Variants in FOXP1 observed in about 807,000 individuals in gnomAD.
FOXP1 encodes the protein forkhead box P1.
A neutral mutation model predicts 98.2 loss-of-function variants in FOXP1; 15 were observed. The ratio of observed to expected loss-of-function variants is 0.15; its 90% CI spans 0.10 to 0.24. The LOEUF (loss-of-function observed/expected upper bound fraction) is 0.24. Among genes scored for constraint, FOXP1 ranks in the 10% least tolerant of loss-of-function variants. FOXP1 has a pLI of 1.00. For missense variants in FOXP1, 633 were observed against 848.5 expected (o/e 0.75, Z 3.15); for synonymous variants, 371 against 314.5 (o/e 1.18, Z -1.90).
chr3:71,546,481 G>A (rs995092035), intron 2 of FOXP1, among the ~76,000 whole-genome samples: 4 of 151,946 alleles, frequency 2.6e-5, no homozygotes, highest in Non-Finnish European at 4.4e-5. Context: ...GAAACTTTTC[G>A]ATGATGGAAC....
At chr3:71,097,249 G>T (rs2056546094) in intron 7 of FOXP1, among the ~76,000 whole-genome samples, 1 of 152,118 alleles carries the variant, frequency 6.6e-6, no homozygotes, top group Non-Finnish European at 1.5e-5. Context: ...AACAAAAGAA[G>T]AATGTTTTGT....
chr3:71,420,093 G>A (rs922453701), intron 3 of FOXP1, among the ~76,000 whole-genome samples: 2 of 151,978 alleles, frequency 1.3e-5, no homozygotes, highest in African/African-American at 2.4e-5. Flanking sequence ...CACTGCGCCC[G>A]ACCAGGTATT....
At chr3:70,959,744 C>G (rs958915278) in intron 20 of FOXP1, among the ~76,000 whole-genome samples, 2 of 152,122 alleles carry the variant, frequency 1.3e-5, no homozygotes, top group Non-Finnish European at 2.9e-5. Flanking sequence ...CCTCTCCTCC[C>G]TGGTGGCATT....
chr3:70,993,060 A>G (rs1436137352), intron 13 of FOXP1, among the ~76,000 whole-genome samples: 1 of 152,198 alleles, frequency 6.6e-6, no homozygotes, highest in Non-Finnish European at 1.5e-5. Flanking sequence ...AATTTGCTAA[A>G]GTCTAGGAGG....
intron 5 of FOXP1, among the ~76,000 whole-genome samples, chr3:71,242,998 G>C (rs769134195): frequency 3.3e-5 from 5 of 152,044 alleles, no homozygotes; most frequent in Non-Finnish European, 7.4e-5. Flanking sequence ...TTATGTGCAG[G>C]GAGGATTCAT....
At chr3:71,157,162 G>T (rs1237388387) in intron 6 of FOXP1, among the ~76,000 whole-genome samples, 1 of 152,194 alleles carries the variant, frequency 6.6e-6, no homozygotes, top group Non-Finnish European at 1.5e-5. Flanking sequence ...ACCACCAGGA[G>T]AATGTTGATA....
At chr3:71,497,990 C>T (rs1011740615) in intron 2 of FOXP1, among the ~76,000 whole-genome samples, 2 of 152,160 alleles carry the variant, frequency 1.3e-5, no homozygotes, top group African/African-American at 4.8e-5. Context: ...TCTTGGGGGT[C>T]ATTAGAAAGA....
At position 71,122,356 on chromosome 3, in the gene FOXP1, T is replaced by G. The variant is rs144038311; in HGVS notation, c.181-9719A>C. ...CAAAAGAAAGAAACAGAAATGGGAA[T>G]ATAGGAAAGGGCCAAACAAGAATAA... is the stretch of plus-strand genomic sequence containing the variant. On this transcript the variant is annotated intron_variant, in intron 6 of 20. Coordinates refer to ENST00000649528, the MANE Select transcript of FOXP1 (RefSeq NM_001349338.3). Among the ~76,000 whole-genome samples, 60 of 152,212 alleles carry G rather than the reference T, an allele frequency of 3.9e-4. 4 individuals carry two copies. Among genetic ancestry groups the G allele is most frequent in the East Asian group, 3.5e-3 (18 of 5,176 alleles).
intron 19 of FOXP1, chr3:70,969,614 C>G (rs1234282688): frequency 2.0e-5 from 3 of 152,236 alleles, no homozygotes; most frequent in Admixed American, 6.5e-5. Context: ...TCCCATCATA[C>G]TAAAGGTCTC....
rs552350880 is a variant in FOXP1 at position 71,359,941 on chromosome 3, C to T, written c.-167-697G>A. Among the ~76,000 whole-genome samples, 7 of 152,094 alleles carry T rather than the reference C, an allele frequency of 4.6e-5. No individual in the cohort carries two copies. In the East Asian group the frequency reaches 5.8e-4, roughly 13 times the overall value. On this transcript the variant is annotated intron_variant, in intron 3 of 20. Transcript: ENST00000649528. Reference sequence around the variant, plus strand: ...CCGAGTAGCTGGGATTACAGGTGTCCGCCACCGTGTCTGGCTAATTTTTGT... The same window carrying T: ...CCGAGTAGCTGGGATTACAGGTGTCTGCCACCGTGTCTGGCTAATTTTTGT...
chr3:71,107,684 A>G (rs1013902010), intron 7 of FOXP1, among the ~76,000 whole-genome samples: 1 of 152,158 alleles, frequency 6.6e-6, no homozygotes, highest in African/African-American at 2.4e-5. Context: ...CTTAAGGGTC[A>G]GTACTTCAAA....
rs5849975 is a variant in FOXP1 at position 70,993,999 on chromosome 3, GAAGAAAAAGAAAAAGAAAAAGAAA to G, written c.1063-5946_1063-5923del. On this transcript the variant is annotated intron_variant, in intron 13 of 20. Transcript: ENST00000649528. The stretch of plus-strand genomic sequence containing the variant: ...AACAGAGCAAAACTCCGTCTCAAAA[GAAGAAAAAGAAAAAGAAAAAGAAA>G]AAGAAAAAGAAAAAGAAAAAAAAGT... 6.6e-5 allele frequency among the ~76,000 whole-genome samples: 9 copies of G among 136,074 alleles called. No individual in the cohort carries two copies. The South Asian group carries it at 2.0e-3, about 30-fold the overall frequency. The allele number at this position is 136,074 out of a possible 152,430, so 89.3% of individuals were successfully genotyped here.
chr3:71,498,831 G>C (rs1449666616), intron 2 of FOXP1, among the ~76,000 whole-genome samples: 1 of 152,172 alleles, frequency 6.6e-6, no homozygotes, highest in Non-Finnish European at 1.5e-5. Context: ...GACGGGGCCT[G>C]AGAATTTCTA....
chr3:71,224,356 T>C (rs2065659332), intron 5 of FOXP1, among the ~76,000 whole-genome samples: 1 of 151,552 alleles, frequency 6.6e-6, no homozygotes, highest in Non-Finnish European at 1.5e-5. Context: ...GTAGATGGAG[T>C]TGGGGGTTGC....
At chr3:71,267,687 T>C (rs113913754) in intron 5 of FOXP1, among the ~76,000 whole-genome samples, 5 of 152,190 alleles carry the variant, frequency 3.3e-5, no homozygotes, top group African/African-American at 1.2e-4. Context: ...GCAAATATTA[T>C]CACTTCTGGT....
At chr3:71,082,322 C>A (rs2054525286) in intron 7 of FOXP1, among the ~76,000 whole-genome samples, 1 of 150,308 alleles carries the variant, frequency 6.7e-6, no homozygotes, top group Non-Finnish European at 1.5e-5. Flanking sequence ...GTGCTGATGT[C>A]TAGAACATAC....
intron 6 of FOXP1, among the ~76,000 whole-genome samples, chr3:71,157,244 T>A (rs1156632227): frequency 6.6e-6 from 1 of 152,118 alleles, no homozygotes; most frequent in Non-Finnish European, 1.5e-5. Context: ...AAGAGACTGC[T>A]GAGAAGGTTC....
intron 11 of FOXP1, among the ~76,000 whole-genome samples, chr3:71,032,460 T>C (rs569402090): frequency 2.6e-5 from 4 of 152,372 alleles, no homozygotes; most frequent in African/African-American, 7.2e-5. Flanking sequence ...CTGGAACACA[T>C]ATTAACAATT....
chr3:71,143,072 T>G (rs887730667), intron 6 of FOXP1, among the ~76,000 whole-genome samples: 1 of 152,140 alleles, frequency 6.6e-6, no homozygotes, highest in South Asian at 2.1e-4. Flanking sequence ...ACTTTCCTCA[T>G]CTGCAAAAAG....
Sources: allele counts gnomAD v4.1 joint callset (sites outside exome capture counted in the v4.1 genomes callset), GRCh38; gene constraint gnomAD v4.1.1; transcripts MANE v1.5; gene names NCBI Gene and HGNC (gene_info 2026-07-23, HGNC 2026-07-21).